Variants in GRIK1 observed in about 807,000 individuals in gnomAD.
GRIK1 encodes the protein glutamate ionotropic receptor kainate type subunit 1, also known as glutamate receptor ionotropic, kainate 1.
A neutral mutation model predicts 105.7 loss-of-function variants in GRIK1; 69 were observed. The ratio of observed to expected loss-of-function variants is 0.65; its 90% CI spans 0.54 to 0.80. The LOEUF is 0.80. Among genes scored for constraint, GRIK1 ranks in the 30% least tolerant of loss-of-function variants. GRIK1 has a pLI of 0.00. For missense variants in GRIK1, 1,109 were observed against 1,167.3 expected (o/e 0.95, Z 0.73); for synonymous variants, 438 against 431.3 (o/e 1.02, Z -0.19).
chr21:29,660,930 T>A (rs117192681), intron 4 of GRIK1, among the ~76,000 whole-genome samples: 1,922 of 152,306 alleles, frequency 0.013, 25 homozygotes, highest in South Asian at 0.033. Flanking sequence ...GTGAATGATA[T>A]CAAGTCTCCG....
chr21:29,756,836 G>A (rs137943152), intron 1 of GRIK1, among the ~76,000 whole-genome samples: 1,801 of 152,200 alleles, frequency 0.012, 38 homozygotes, highest in African/African-American at 0.042. Context: ...ACCAGTGGCC[G>A]GGCGCGGTGG....
chr21:29,686,645 C>T (rs2063491447), intron 3 of GRIK1, among the ~76,000 whole-genome samples: 1 of 152,166 alleles, frequency 6.6e-6, no homozygotes, highest in Admixed American at 6.6e-5. Flanking sequence ...TACATATTGT[C>T]CGTGTGCTTG....
Position 29,585,037 on chromosome 21 carries a change from G to A in GRIK1, c.1793+2329C>T, listed in dbSNP as rs578058900. On this transcript the variant is annotated intron_variant, in intron 12 of 17. Transcript: ENST00000327783. The stretch of plus-strand genomic sequence containing the variant: ...TGGAGGGAGTTATTTTCTGTATTTC[G>A]TCACTATACTGTTTCCAAGTTTGCA... Among the ~76,000 whole-genome samples the A allele has an allele frequency of 2.0e-4, 31 of 152,232 alleles. No homozygotes were observed. The South Asian group carries it at 3.5e-3, about 17-fold the overall frequency.
At chr21:29,623,833 A>G (rs1325164704) in intron 7 of GRIK1, among the ~76,000 whole-genome samples, 3 of 152,228 alleles carry the variant, frequency 2.0e-5, no homozygotes, top group African/African-American at 7.2e-5. Flanking sequence ...TGGATTCTCC[A>G]ACTAAACACT....
chr21:29,708,679 C>G (rs2063972970), intron 1 of GRIK1, among the ~76,000 whole-genome samples: 1 of 152,206 alleles, frequency 6.6e-6, no homozygotes, highest in South Asian at 2.1e-4. Context: ...TTCTGTTTCC[C>G]TCTGCCCAGT....
intron 1 of GRIK1, among the ~76,000 whole-genome samples, chr21:29,852,657 A>T (rs896344491): frequency 6.6e-6 from 1 of 152,240 alleles, no homozygotes; most frequent in Admixed American, 6.5e-5. Flanking sequence ...TCATTTAGGA[A>T]ACTTTACATT....
chr21:29,667,767 T>G (rs1446969939), intron 4 of GRIK1, among the ~76,000 whole-genome samples: 1 of 152,214 alleles, frequency 6.6e-6, no homozygotes, highest in Non-Finnish European at 1.5e-5. Flanking sequence ...GCCATCTTGC[T>G]TTTCATCAGA....
chr21:29,824,332 C>G (rs1231636427), intron 1 of GRIK1, among the ~76,000 whole-genome samples: 2 of 151,896 alleles, frequency 1.3e-5, no homozygotes, highest in African/African-American at 4.8e-5. Flanking sequence ...TCCCACACCT[C>G]CGGCACTGTT....
At chr21:29,574,424 A>T (rs1004871965) in intron 14 of GRIK1, among the ~76,000 whole-genome samples, 4 of 152,160 alleles carry the variant, frequency 2.6e-5, no homozygotes, top group African/African-American at 9.7e-5. Flanking sequence ...ATCATTTCAG[A>T]TATTTTTTCA....
intron 1 of GRIK1, among the ~76,000 whole-genome samples, chr21:29,899,889 C>T (rs571318727): frequency 6.6e-6 from 1 of 152,144 alleles, no homozygotes; most frequent in Admixed American, 6.6e-5. Flanking sequence ...CAACTAAATG[C>T]TTATTACATA....
chr21:29,744,562 GTT>G (rs79652093), intron 1 of GRIK1, among the ~76,000 whole-genome samples: 3 of 140,312 alleles, frequency 2.1e-5, no homozygotes, highest in Non-Finnish European at 3.1e-5. Flanking sequence ...TCTCAGCTAG[GTT>G]TTTTTTTTTT....
chr21:29,780,223 C>T (rs1378553088), intron 1 of GRIK1, among the ~76,000 whole-genome samples: 1 of 152,148 alleles, frequency 6.6e-6, no homozygotes, highest in Non-Finnish European at 1.5e-5. Context: ...CTGAAAGGTA[C>T]TTATGGGGAC....
At chr21:29,833,328 C>T (rs1191713225) in intron 1 of GRIK1, among the ~76,000 whole-genome samples, 2 of 152,164 alleles carry the variant, frequency 1.3e-5, no homozygotes, top group African/African-American at 4.8e-5. Context: ...GTTCCAAAGT[C>T]ACCTCCACAT....
intron 3 of GRIK1, among the ~76,000 whole-genome samples, chr21:29,679,797 G>T (rs1007059892): frequency 6.6e-6 from 1 of 152,042 alleles, no homozygotes; most frequent in African/African-American, 2.4e-5. Context: ...GAATTAAACC[G>T]TAACCTGCCT....
At chr21:29,797,181 A>G (rs1341768657) in intron 1 of GRIK1, among the ~76,000 whole-genome samples, 1 of 152,172 alleles carries the variant, frequency 6.6e-6, no homozygotes, top group Non-Finnish European at 1.5e-5. Flanking sequence ...CTTTTGTACT[A>G]TGTGGGGAAA....
chr21:29,916,827 G>A (rs1043993344), intron 1 of GRIK1, among the ~76,000 whole-genome samples: 4 of 151,934 alleles, frequency 2.6e-5, no homozygotes, highest in African/African-American at 4.8e-5. Context: ...AGATATAATT[G>A]CAGGCAGTTG....
At chr21:29,651,333 A>C (rs1339973391) in intron 5 of GRIK1, 42 bp from the exon 6 acceptor site, 1 of 1,334,252 alleles carries the variant, frequency 7.5e-7, no homozygotes, top group Non-Finnish European at 1.0e-6. Flanking sequence ...AATAATTAGA[A>C]TTTTCATTTT....
intron 7 of GRIK1, among the ~76,000 whole-genome samples, chr21:29,623,496 A>G (rs796998214): frequency 4.2e-4 from 64 of 152,110 alleles, no homozygotes; most frequent in African/African-American, 1.4e-3. Flanking sequence ...AGATGACACC[A>G]TAAGTTAATG....
At chr21:29,544,707 C>T (rs1393994304) in intron 16 of GRIK1, among the ~76,000 whole-genome samples, 1 of 152,182 alleles carries the variant, frequency 6.6e-6, no homozygotes, top group Admixed American at 6.5e-5. Context: ...AAGGAAAAGG[C>T]AGGTACTTTG....
Sources: gnomAD v4.1 joint callset for allele counts (sites outside exome capture counted in the v4.1 genomes callset) on GRCh38, gnomAD v4.1.1 for gene constraint, MANE v1.5 for transcripts, NCBI Gene and HGNC (gene_info 2026-07-23, HGNC 2026-07-21) for gene names.